The following VPS33B variants were observed in gnomAD, a reference collection of about 807,000 sequenced individuals.
VPS33B encodes the protein VPS33B late endosome and lysosome associated.
VPS33B carries 80 observed loss-of-function variants against 95.3 expected under a neutral mutation model. The observed-to-expected ratio is 0.84, with a 90% confidence interval of 0.70 to 1.01. The LOEUF (loss-of-function observed/expected upper bound fraction) is 1.01, where lower values mean the gene tolerates loss of function less well. VPS33B is among the 50% of genes least tolerant of loss of function. The pLI, the probability that VPS33B is intolerant of heterozygous loss-of-function variation, is 0.00. For synonymous variants in VPS33B, 280 were observed against 280.4 expected (o/e 1.00, Z 0.01); for missense variants, 715 against 773.4 (o/e 0.92, Z 0.90).
chr15:91,022,317 G>A lies in VPS33B; in HGVS notation c.-68C>T. 6.8e-7 allele frequency: 1 copy of A among 1,472,164 alleles called. No individual in the cohort carries two copies. The highest frequency in any genetic ancestry group is 1.3e-5 in the South Asian group (1 of 74,950). 91.2% of individuals were successfully genotyped at this position (1,472,164 alleles called of 1,614,324 possible). A position where few individuals can be genotyped will look rare whatever the true frequency, so the allele number is the denominator to read the frequency against. On this transcript the variant is annotated 5_prime_UTR_variant, in exon 1 of 23. Transcript: ENST00000333371. ...TTCTGAGAAGGCCGGCCGCAGCCCA[G>A]GGAAGCGCAAGGGGGGCTATCCTTC... is the stretch of plus-strand genomic sequence containing the variant.
rs373933341 is a variant in VPS33B at position 91,006,402 on chromosome 15, G to A, written c.822C>T (p.Ser274=). Residue 274 remains serine (S), a synonymous_variant, in exon 11 of 23, where the codon AGC becomes AGT. Coordinates refer to ENST00000333371, the MANE Select transcript of VPS33B (RefSeq NM_018668.5). This position sits in a 1 kb window ranked among gnomAD's most constrained non-coding sequence, Gnocchi z 5.4. ...CCTCGGCATTGAGTAGCACCTTCAGGCTCTTGTCAGAGGATGTGACTTCTG... is the reference window on the plus strand; with the variant it reads ...CCTCGGCATTGAGTAGCACCTTCAGACTCTTGTCAGAGGATGTGACTTCTG... The part of the protein sequence containing the change: ...FGPEVTSSDK[S]LKVLLNAEDK... 63 of 1,614,068 alleles carry A rather than the reference G, an allele frequency of 3.9e-5. No homozygotes were observed. The highest frequency in any genetic ancestry group is 5.2e-5 in the Non-Finnish European group (61 of 1,180,056).
At position 91,006,357 on chromosome 15, in the gene VPS33B, C is replaced by T. The variant is rs1567222457; in HGVS notation, c.852+15G>A. ...TGGCCCTAGGTGGGCCCATTGCTAG[C>T]ACCCACACCCTCACCTTGTCCTCGG... On this transcript the variant is annotated intron_variant, in intron 11 of 22. Transcript: ENST00000333371. The surrounding 1 kb of genome is among the most constrained non-coding windows in gnomAD (Gnocchi z 5.4). 6 of 1,614,114 alleles carry T rather than the reference C, an allele frequency of 3.7e-6. No individual in the cohort carries two copies. The highest frequency in any genetic ancestry group is 2.2e-5 in the East Asian group (1 of 44,876).
chr15:91,013,858 A>G lies in VPS33B; in HGVS notation c.303T>C (p.Ala101=). 1.2e-6 allele frequency: 2 copies of G among 1,614,106 alleles called. No homozygotes were observed. Among genetic ancestry groups the G allele is most frequent in the South Asian group, 2.2e-5 (2 of 91,072 alleles). The part of the protein sequence containing the change: ...NMRYIASLVN[A]DKLAGRTRKY... ...TGCGAGTTCGGCCAGCCAATTTGTCAGCATTGACAAGACCTACAGAGAGAA... is the reference window on the plus strand; with the variant it reads ...TGCGAGTTCGGCCAGCCAATTTGTCGGCATTGACAAGACCTACAGAGAGAA... The change falls in exon 5 of 23, where the codon GCT becomes GCC. Residue 101 remains alanine (A), a synonymous_variant. Coordinates refer to ENST00000333371, the MANE Select transcript of VPS33B (RefSeq NM_018668.5). This position sits in a 1 kb window ranked among gnomAD's most constrained non-coding sequence, Gnocchi z 4.5.
In VPS33B at chr15:91,003,131, C is replaced by A; in HGVS notation, c.1226G>T (p.Gly409Val). 6.2e-7 allele frequency: 1 copy of A among 1,614,130 alleles called. No individual in the cohort carries two copies. Among genetic ancestry groups the A allele is most frequent in the Non-Finnish European group, 8.5e-7 (1 of 1,180,014 alleles). Residue 409 changes from glycine to valine, a missense_variant and splice_region_variant, in exon 17 of 23, where the codon GGT (glycine) becomes GTT (valine). Transcript: ENST00000333371. ...LMCLLSITEN[G>V]LIPKDYRSLK... is the part of the protein sequence containing the mutation. Reference sequence around the variant, plus strand: ...AGATCGGTAATCCTTGGGGATCAAACCTAAGAGTGAAGAAAATAAGACAGG... The same window carrying A: ...AGATCGGTAATCCTTGGGGATCAAAACTAAGAGTGAAGAAAATAAGACAGG...
At chr15:91,008,396 C>T (rs951141221) in intron 6 of VPS33B, among the ~76,000 whole-genome samples, 3 of 152,216 alleles carry the variant, frequency 2.0e-5, no homozygotes, top group African/African-American at 7.2e-5. Context: ...TCCCAAGTAG[C>T]TGGGATTACA....
chr15:91,017,613 G>C (rs1303440616), intron 2 of VPS33B, among the ~76,000 whole-genome samples, 192 bp downstream of exon 2: 1 of 151,158 alleles, frequency 6.6e-6, no homozygotes, highest in Non-Finnish European at 1.5e-5. Context: ...GGGCAACAGA[G>C]AGAGACTCCG....
chr15:91,006,203 C>G lies in VPS33B; in HGVS notation c.853-144G>C, dbSNP rs2040597852. ...GGATCTGTAAGTCCATATCAAATGCCTACACCGTGTTCTAGGAGATGCTCT... is the reference window on the plus strand; with the variant it reads ...GGATCTGTAAGTCCATATCAAATGCGTACACCGTGTTCTAGGAGATGCTCT... On this transcript the variant is annotated intron_variant, in intron 11 of 22. Transcript: ENST00000333371. This position sits in a 1 kb window ranked among gnomAD's most constrained non-coding sequence, Gnocchi z 5.4. 7.5e-7 allele frequency: 1 copy of G among 1,333,204 alleles called. No individual in the cohort carries two copies. The highest frequency in any genetic ancestry group is 2.3e-5 in the East Asian group (1 of 43,132). The allele number at this position is 1,333,204 out of a possible 1,614,324, so 82.6% of individuals were successfully genotyped here.
chr15:91,020,823 G>T (rs1032802734), intron 1 of VPS33B, among the ~76,000 whole-genome samples: 2 of 152,202 alleles, frequency 1.3e-5, no homozygotes, highest in Admixed American at 6.5e-5. Flanking sequence ...GGAGGTTGCA[G>T]TTAGCCAAGA....
Position 91,007,054 on chromosome 15 carries a change from GGCCCAAGA to G in VPS33B, c.604-16_604-9del. 1 of 1,608,784 alleles carries G rather than the reference GGCCCAAGA, an allele frequency of 6.2e-7. No homozygotes were observed. Among genetic ancestry groups the G allele is most frequent in the Non-Finnish European group, 8.5e-7 (1 of 1,179,942 alleles). On this transcript the variant is annotated splice_polypyrimidine_tract_variant and intron_variant, in intron 8 of 22. Transcript: ENST00000333371. The surrounding 1 kb of genome is among the most constrained non-coding windows in gnomAD (Gnocchi z 5.3). ...CCACAATTCATATGCCATCTGCCAGGGCCCAAGACATTCTCAGTCTTGTGTCCAGGTCC... is the reference window on the plus strand; with the variant it reads ...CCACAATTCATATGCCATCTGCCAGGCATTCTCAGTCTTGTGTCCAGGTCC...
chr15:91,000,088 G>C lies in VPS33B; in HGVS notation c.1582-113C>G. ...TTGCTCATTACTCAAGTAGCAAAAAGTTGAGACAGGGCCAGGTGTGGTGGC... is the reference window on the plus strand; with the variant it reads ...TTGCTCATTACTCAAGTAGCAAAAACTTGAGACAGGGCCAGGTGTGGTGGC... On this transcript the variant is annotated intron_variant, in intron 20 of 22. Coordinates refer to ENST00000333371, the MANE Select transcript of VPS33B (RefSeq NM_018668.5). This position sits in a 1 kb window ranked among gnomAD's most constrained non-coding sequence, Gnocchi z 4.9. The C allele has an allele frequency of 7.4e-7, 1 of 1,345,684 alleles. No individual in the cohort carries two copies. Among genetic ancestry groups the C allele is most frequent in the Admixed American group, 1.8e-5 (1 of 55,464 alleles). 83.4% of individuals were successfully genotyped at this position (1,345,684 alleles called of 1,614,324 possible).
chr15:91,008,027 G>T, intron 6 of VPS33B, 63 bp from the exon 7 acceptor site: 1 of 1,495,084 alleles, frequency 6.7e-7, no homozygotes, highest in Non-Finnish European at 9.3e-7. Context: ...TAAGAGGGAA[G>T]GTCCGCCACA....
In VPS33B at chr15:91,002,842, C is replaced by T. The variant is rs574199395; in HGVS notation, c.1272+243G>A. Among the ~76,000 whole-genome samples the T allele has an allele frequency of 2.3e-4, 6 of 26,176 alleles. No homozygotes were observed. In the East Asian group the frequency reaches 6.4e-3, roughly 28 times the overall value. The allele number at this position is 26,176 out of a possible 152,430, so 17.2% of individuals were successfully genotyped here. On this transcript the variant is annotated intron_variant, in intron 17 of 22. Transcript: ENST00000333371. This position sits in a 1 kb window ranked among gnomAD's most constrained non-coding sequence, Gnocchi z 4.7. ...CAGGAGAAAGAACTCACACTGGGGC[C>T]AGCACTGAAATGTTTAATTCTCAGC...
chr15:90,998,829 A>C lies in VPS33B; in HGVS notation c.*146T>G. 1.2e-6 allele frequency: 1 copy of C among 829,302 alleles called. No homozygotes were observed. Among genetic ancestry groups the C allele is most frequent in the East Asian group, 2.7e-5 (1 of 37,618 alleles). 51.4% of individuals were successfully genotyped at this position (829,302 alleles called of 1,614,324 possible). A position where few individuals can be genotyped will look rare whatever the true frequency, so the allele number is the denominator to read the frequency against. On this transcript the variant is annotated 3_prime_UTR_variant, in exon 23 of 23. Coordinates refer to ENST00000333371, the MANE Select transcript of VPS33B (RefSeq NM_018668.5). This position sits in a 1 kb window ranked among gnomAD's most constrained non-coding sequence, Gnocchi z 4.8. The stretch of plus-strand genomic sequence containing the variant: ...AGGAAGTGAACTCTTTTCTCAGATA[A>C]TGTTCTCTAAATCCCAACACGTTCC...
At chr15:91,020,884 A>C (rs146527236) in intron 1 of VPS33B, among the ~76,000 whole-genome samples, 2,401 of 152,286 alleles carry the variant, frequency 0.016, 69 homozygotes, top group African/African-American at 0.054. Context: ...GTGTCTCAAA[A>C]AAATAAATAA....
Position 91,017,822 on chromosome 15 carries a change from T to C in VPS33B, c.160A>G (p.Asn54Asp), listed in dbSNP as rs2040986620. ...GACAGTACCTTCAGGATGGAGACATTGGCAATTCGATCCAAAGGGCTCATG... is the reference window on the plus strand; with the variant it reads ...GACAGTACCTTCAGGATGGAGACATCGGCAATTCGATCCAAAGGGCTCATG... ...DLMSPLDRIA[N>D]VSILKQHEVD... Residue 54 changes from asparagine to aspartate, a missense_variant, in exon 2 of 23, where the codon AAT becomes GAT. Physicochemically the swap from Asn to Asp is conservative, Grantham distance 23. Transcript: ENST00000333371. The C allele has an allele frequency of 6.2e-7, 1 of 1,613,998 alleles. No homozygotes were observed. The highest frequency in any genetic ancestry group is 1.3e-5 in the African/African-American group (1 of 74,916).
In VPS33B at chr15:91,014,558, T is replaced by A. The variant is rs754425420; in HGVS notation, c.240-125A>T. ...CTACAGGTCTCATCCTAGCCAAAGC[T>A]ATGCTATTCTCTTGGTCCACCATAT... On this transcript the variant is annotated intron_variant, in intron 3 of 22. Transcript: ENST00000333371. The A allele has an allele frequency of 1.1e-4, 110 of 1,042,590 alleles. 1 individual carries two copies. Among genetic ancestry groups the A allele is most frequent in the Non-Finnish European group, 1.6e-4 (110 of 676,460 alleles). The allele number at this position is 1,042,590 out of a possible 1,614,324, so 64.6% of individuals were successfully genotyped here. A position where few individuals can be genotyped will look rare whatever the true frequency, so the allele number is the denominator to read the frequency against.
In VPS33B at chr15:91,000,400, TAA is replaced by T. The variant is rs71154160; in HGVS notation, c.1581+88_1581+89del. 8.2e-4 allele frequency: 840 copies of T among 1,024,070 alleles called. No individual in the cohort carries two copies. The highest frequency in any genetic ancestry group is 1.6e-3 in the East Asian group (45 of 28,826). The allele number at this position is 1,024,070 out of a possible 1,614,324, so 63.4% of individuals were successfully genotyped here. A position where few individuals can be genotyped will look rare whatever the true frequency, so the allele number is the denominator to read the frequency against. ...TGACAGAGCAAGACTCCATCTCAAA[TAA>T]AAAAAAAAAAACATTGAGACACGCC... On this transcript the variant is annotated intron_variant, in intron 20 of 22. Transcript: ENST00000333371. The surrounding 1 kb of genome is among the most constrained non-coding windows in gnomAD (Gnocchi z 4.9).
rs765978683 is a variant in VPS33B at position 90,999,781 on chromosome 15, T to G, written c.1670A>C (p.Glu557Ala). The G allele has an allele frequency of 1.9e-5, 30 of 1,613,924 alleles. No individual in the cohort carries two copies. Among genetic ancestry groups the G allele is most frequent in the Non-Finnish European group, 2.5e-5 (29 of 1,180,008 alleles). The part of the protein sequence containing the change: ...SDFAFTDMTK[E>A]DKASSESLRL... ...CAGGGACTCACTGGAAGCCTTGTCTTCCTTAGTCATATCTGTGAGGATCAG... is the reference window on the plus strand; with the variant it reads ...CAGGGACTCACTGGAAGCCTTGTCTGCCTTAGTCATATCTGTGAGGATCAG... Residue 557 changes from glutamate to alanine, a missense_variant, in exon 22 of 23, where the codon GAA becomes GCA. By Grantham distance (107) the Glu-to-Ala change is moderately radical. Coordinates refer to ENST00000333371, the MANE Select transcript of VPS33B (RefSeq NM_018668.5). The surrounding 1 kb of genome is among the most constrained non-coding windows in gnomAD (Gnocchi z 5.1).
chr15:91,016,286 G>A (rs528733978), intron 3 of VPS33B, among the ~76,000 whole-genome samples: 127 of 152,182 alleles, frequency 8.3e-4, no homozygotes, highest in Middle Eastern at 3.4e-3. Flanking sequence ...GAAAGGTAAC[G>A]TGGGAGGCCA....
Sources: gnomAD v4.1 joint callset for allele counts (sites outside exome capture counted in the v4.1 genomes callset) on GRCh38, gnomAD v4.1.1 for gene constraint, Gnocchi (gnomAD v3.1) non-coding constraint, MANE v1.5 for transcripts, NCBI Gene and HGNC (gene_info 2026-07-23, HGNC 2026-07-21) for gene names.